The following SSUH2 variants were observed in gnomAD, a reference collection of about 807,000 sequenced individuals.
SSUH2 encodes the protein protein SSUH2 homolog.
A neutral mutation model predicts 55.3 loss-of-function variants in SSUH2; 47 were observed. The ratio of observed to expected loss-of-function variants is 0.85; its 90% confidence interval spans 0.67 to 1.08. The LOEUF (loss-of-function observed/expected upper bound fraction) is 1.08. SSUH2 is among the 50% of genes least tolerant of loss of function. The pLI, the probability that SSUH2 is intolerant of heterozygous loss-of-function variation, is 0.00. For missense variants in SSUH2, 535 were observed against 490.7 expected (o/e 1.09, Z -0.85); for synonymous variants, 212 against 191.5 (o/e 1.11, Z -0.89).
chr3:8,619,909 C>A lies in SSUH2; in HGVS notation c.1087G>T (p.Asp363Tyr). The change falls in exon 12 of 12, where the codon GAC becomes TAC. Residue 363 changes from aspartate to tyrosine, a missense_variant. By Grantham distance (160) the Asp-to-Tyr change is radical. Coordinates refer to ENST00000544814, the MANE Select transcript of SSUH2 (RefSeq NM_001256748.3). ...YGTDHQVYAV[D>Y]YPERYCCGCT... Reference sequence around the variant, plus strand: ...CCACAGCAATACCGCTCAGGATAGTCCACCGCATACACCTGGTGGTCAGTG... The same window carrying A: ...CCACAGCAATACCGCTCAGGATAGTACACCGCATACACCTGGTGGTCAGTG... 6.2e-7 allele frequency: 1 copy of A among 1,614,166 alleles called. No homozygotes were observed. The highest frequency in any genetic ancestry group is 8.5e-7 in the Non-Finnish European group (1 of 1,180,022).
chr3:8,677,873 T>C (rs1705539081), intron 2 of SSUH2, among the ~76,000 whole-genome samples: 2 of 150,764 alleles, frequency 1.3e-5, no homozygotes, highest in Non-Finnish European at 2.9e-5. Context: ...TCACAGCCTG[T>C]TTACCATATT....
Position 8,633,149 on chromosome 3 carries a change from T to C in SSUH2, c.339+517A>G, listed in dbSNP as rs532775493. On this transcript the variant is annotated intron_variant, in intron 4 of 11. Transcript: ENST00000544814. ...AGTGGTGTTTGATGACGCCTTTTTT[T>C]TTTTTTTTTTTGAGTTGGAGTTTCG... is the stretch of plus-strand genomic sequence containing the variant. Among the ~76,000 whole-genome samples, 828 of 150,978 alleles carry C rather than the reference T, an allele frequency of 5.5e-3. 9 individuals carry two copies. Among genetic ancestry groups the C allele is most frequent in the African/African-American group, 0.019 (774 of 40,986 alleles).
At chr3:8,622,849 G>A (rs1030965212) in intron 11 of SSUH2, among the ~76,000 whole-genome samples, 4 of 152,060 alleles carry the variant, frequency 2.6e-5, no homozygotes, top group African/African-American at 4.8e-5. Flanking sequence ...GTCTTTTTTC[G>A]CAGGTGAGAG....
chr3:8,677,059 G>T (rs11707566), intron 3 of SSUH2: 2 of 148,188 alleles, frequency 1.3e-5, no homozygotes, highest in Non-Finnish European at 3.0e-5. Context: ...CGGGGACTGC[G>T]AGCCAGCCCC....
At chr3:8,659,383 ACATAACTTTTCCCATCCTTCAATGCCC>A (rs1703251069) in intron 6 of SSUH2, 1 of 156,092 alleles carries the variant, frequency 6.4e-6, no homozygotes, top group Non-Finnish European at 1.4e-5. Flanking sequence ...CTCTCCATCC[ACATAACTTTTCCCATCCTTCAATGCCC>A]CACTCCAGCC....
chr3:8,680,875 TAA>T (rs1325638642), intron 1 of SSUH2, among the ~76,000 whole-genome samples: 16 of 151,862 alleles, frequency 1.1e-4, no homozygotes, highest in African/African-American at 3.9e-4. Flanking sequence ...TTATGGGGAG[TAA>T]TATCATCCTC....
At chr3:8,641,795 T>C (rs893970854) in intron 1 of SSUH2, among the ~76,000 whole-genome samples, 1 of 152,258 alleles carries the variant, frequency 6.6e-6, no homozygotes, top group African/African-American at 2.4e-5. Context: ...TCCAGCACCC[T>C]TTCTCACCAA....
chr3:8,664,713 A>T (rs1703824226), intron 5 of SSUH2, among the ~76,000 whole-genome samples: 1 of 152,222 alleles, frequency 6.6e-6, no homozygotes, highest in Non-Finnish European at 1.5e-5. Flanking sequence ...TGACATCCTC[A>T]CCATGCTGCC....
chr3:8,635,682 C>G, intron 2 of SSUH2, 77 bp downstream of exon 2: 1 of 1,350,964 alleles, frequency 7.4e-7, no homozygotes, highest in Non-Finnish European at 9.9e-7. Flanking sequence ...TCAGCACCAC[C>G]TTTTTCCCGA....
chr3:8,637,633 GC>G (rs1480057642), intron 1 of SSUH2, among the ~76,000 whole-genome samples: 1 of 152,170 alleles, frequency 6.6e-6, no homozygotes, highest in Non-Finnish European at 1.5e-5. Flanking sequence ...CCACTGGGCC[GC>G]CCCTTTAAAA....
At chr3:8,672,924 C>T (rs1286175847) in intron 3 of SSUH2, among the ~76,000 whole-genome samples, 3 of 152,120 alleles carry the variant, frequency 2.0e-5, no homozygotes, top group African/African-American at 7.2e-5. Context: ...CGATATTGAA[C>T]GTAATATCAT....
chr3:8,628,850 C>A (rs892591313), intron 7 of SSUH2, among the ~76,000 whole-genome samples: 8 of 151,590 alleles, frequency 5.3e-5, no homozygotes, highest in African/African-American at 1.7e-4. Context: ...TGGTTTGTTG[C>A]TGTTGTTTGT....
At position 8,619,994 on chromosome 3, in the gene SSUH2, G is replaced by A; in HGVS notation, c.1002C>T (p.Ile334=). The A allele has an allele frequency of 6.2e-7, 1 of 1,614,118 alleles. No individual in the cohort carries two copies. The highest frequency in any genetic ancestry group is 8.5e-7 in the Non-Finnish European group (1 of 1,179,982). Residue 334 remains isoleucine, a synonymous_variant, in exon 12 of 12, where the codon ATC becomes ATT. Transcript: ENST00000544814. The part of the protein sequence containing the change: ...VLQQRQTIEL[I]PLTEVHYWYQ... ...ACCAATAGTGAACTTCTGTGAGGGG[G>A]ATCAGCTCAATGGTCTGGCGCTGAG...
At chr3:8,658,056 G>A (rs1165588039) in intron 7 of SSUH2, among the ~76,000 whole-genome samples, 1 of 152,206 alleles carries the variant, frequency 6.6e-6, no homozygotes. Context: ...GCAGTGAATG[G>A]GCCTGGGGTC....
Position 8,625,587 on chromosome 3 carries a change from A to T in SSUH2, c.828T>A (p.Leu276=), listed in dbSNP as rs773775475. ...EHRLNCPREL[L]AKAKGENLFK... ...AGAGGTTTTCTCCTTTGGCTTTAGCAAGGAGCTCCCTGGGGCAGTTGAGCC... is the reference window on the plus strand; with the variant it reads ...AGAGGTTTTCTCCTTTGGCTTTAGCTAGGAGCTCCCTGGGGCAGTTGAGCC... Residue 276 remains leucine (L), a synonymous_variant, in exon 10 of 12, where the codon CTT becomes CTA. Transcript: ENST00000544814. The T allele has an allele frequency of 6.8e-6, 11 of 1,613,944 alleles. No individual in the cohort carries two copies. In the South Asian group the frequency reaches 1.2e-4, roughly 18 times the overall value.
intron 10 of SSUH2, among the ~76,000 whole-genome samples, chr3:8,624,774 C>CT (rs1697179862): frequency 6.6e-6 from 1 of 152,198 alleles, no homozygotes; most frequent in Non-Finnish European, 1.5e-5. Flanking sequence ...AGGCAGTGGG[C>CT]TGGGTGTGCC....
Position 8,623,682 on chromosome 3 carries a change from A to G in SSUH2, c.874-26T>C, listed in dbSNP as rs1170451100. On this transcript the variant is annotated intron_variant, in intron 10 of 11. Coordinates refer to ENST00000544814, the MANE Select transcript of SSUH2 (RefSeq NM_001256748.3). The stretch of plus-strand genomic sequence containing the variant: ...CTGGGGGAAAGAGAGAGAGACACAG[A>G]CCACCTGGCTGCCGCACCTGGAGCC... 15 of 1,265,868 alleles carry G rather than the reference A, an allele frequency of 1.2e-5. No homozygotes were observed. In the East Asian group the frequency reaches 3.7e-4, roughly 32 times the overall value. 78.4% of individuals were successfully genotyped at this position (1,265,868 alleles called of 1,614,324 possible). A position where few individuals can be genotyped will look rare whatever the true frequency, so the allele number is the denominator to read the frequency against.
chr3:8,650,270 C>T (rs1019212623), intron 7 of SSUH2, among the ~76,000 whole-genome samples: 1 of 152,214 alleles, frequency 6.6e-6, no homozygotes, highest in African/African-American at 2.4e-5. Flanking sequence ...AACACATTAA[C>T]TAACTTACTA....
chr3:8,674,421 A>C (rs996923921), intron 3 of SSUH2, among the ~76,000 whole-genome samples: 1 of 152,172 alleles, frequency 6.6e-6, no homozygotes, highest in African/African-American at 2.4e-5. Context: ...CTGAGGGGAG[A>C]CCGGGCTCAA....
Sources: allele counts gnomAD v4.1 joint callset (sites outside exome capture counted in the v4.1 genomes callset), GRCh38; gene constraint gnomAD v4.1.1; transcripts MANE v1.5; gene names NCBI Gene and HGNC (gene_info 2026-07-23, HGNC 2026-07-21).